Variants in KIF9 observed in about 807,000 individuals in gnomAD.
KIF9 encodes kinesin-like protein KIF9.
In KIF9, 68 loss-of-function variants were observed where a neutral mutation model predicts 94.8. The ratio of observed to expected loss-of-function variants is 0.72; its 90% CI spans 0.59 to 0.88. The LOEUF is 0.88. KIF9 is among the 40% of genes least tolerant of loss of function. The pLI is 0.00. For synonymous variants in KIF9, 343 were observed against 362.1 expected (o/e 0.95, Z 0.60); for missense variants, 882 against 982.5 (o/e 0.90, Z 1.37).
At chr3:47,235,429 A>T in intron 20 of KIF9, 84 bp downstream of exon 20, 1 of 945,610 alleles carries the variant, frequency 1.1e-6, no homozygotes, top group Non-Finnish European at 1.7e-6. Flanking sequence ...TTCCTCCCCT[A>T]CCTCTCTAAA....
chr3:47,230,899 A>G (rs959214791), intron 20 of KIF9, among the ~76,000 whole-genome samples: 1 of 147,816 alleles, frequency 6.8e-6, no homozygotes, highest in East Asian at 2.0e-4. Flanking sequence ...TTAGCCAGGC[A>G]TGGTGGCGCA....
At chr3:47,258,529 A>G (rs756712129) in intron 9 of KIF9, among the ~76,000 whole-genome samples, 8 of 152,196 alleles carry the variant, frequency 5.3e-5, no homozygotes, top group Non-Finnish European at 7.3e-5. Context: ...ATAATCCCCA[A>G]TGCTGGAGGT....
chr3:47,241,679 A>G (rs1338084340), intron 16 of KIF9, among the ~76,000 whole-genome samples: 2 of 150,106 alleles, frequency 1.3e-5, no homozygotes, highest in Non-Finnish European at 3.0e-5. Context: ...GTGTATATAC[A>G]TATATGCATA....
intron 10 of KIF9, among the ~76,000 whole-genome samples, chr3:47,255,884 C>T (rs1576012297): frequency 6.6e-6 from 1 of 152,186 alleles, no homozygotes; most frequent in South Asian, 2.1e-4. Context: ...CTCAGCCTGC[C>T]GAGTGCCTGT....
rs1043806796 is a variant in KIF9, at chr3:47,263,470, A to G, written c.981+816T>C. On this transcript the variant is annotated intron_variant, in intron 9 of 20. Coordinates refer to ENST00000684063, the MANE Select transcript of KIF9 (RefSeq NM_182902.4). ...CAGGAAAACAGCCAAGGCCTCAGCCAGGACACCAGAGCCGATTCAGCCCCT... is the reference window on the plus strand; with the variant it reads ...CAGGAAAACAGCCAAGGCCTCAGCCGGGACACCAGAGCCGATTCAGCCCCT... Among the ~76,000 whole-genome samples, 25 of 152,168 alleles carry G rather than the reference A, an allele frequency of 1.6e-4. 1 individual carries two copies. Among genetic ancestry groups the G allele is most frequent in the African/African-American group, 7.2e-5 (3 of 41,448 alleles).
Position 47,265,721 on chromosome 3 carries a change from C to T in KIF9, c.916+9G>A, listed in dbSNP as rs752054131. On this transcript the variant is annotated intron_variant, in intron 8 of 20. Coordinates refer to ENST00000684063, the MANE Select transcript of KIF9 (RefSeq NM_182902.4). ...CCCTCCTCCCTGGGCAGCAACTGTA[C>T]CCCCTCACCTAACGAGTCCTTCAGA... The T allele has an allele frequency of 1.9e-6, 3 of 1,613,636 alleles. No individual in the cohort carries two copies. The South Asian group carries it at 3.3e-5, about 18-fold the overall frequency.
chr3:47,249,027 T>G (rs1009023317), intron 10 of KIF9, among the ~76,000 whole-genome samples: 1 of 152,162 alleles, frequency 6.6e-6, no homozygotes, highest in Non-Finnish European at 1.5e-5. Flanking sequence ...TGAGCCACTG[T>G]GCCTGGCCTC....
intron 11 of KIF9, 23 bp from the exon 12 acceptor site, chr3:47,247,500 GTGGAT>G: frequency 6.4e-7 from 1 of 1,563,670 alleles, no homozygotes; most frequent in Non-Finnish European, 8.8e-7. Flanking sequence ...TGAAGAACAT[GTGGAT>G]AAGCAACAAG....
chr3:47,238,742 G>A (rs1035064167), intron 17 of KIF9, among the ~76,000 whole-genome samples: 1 of 151,964 alleles, frequency 6.6e-6, no homozygotes, highest in Admixed American at 6.6e-5. Flanking sequence ...CTCACTGCAA[G>A]CTCTGCCTCC....
At chr3:47,246,106 G>A in intron 13 of KIF9, 91 bp downstream of exon 13, 2 of 1,015,426 alleles carry the variant, frequency 2.0e-6, no homozygotes, top group Non-Finnish European at 2.8e-6. Context: ...CCACAAGCAA[G>A]AAGAGGAGCT....
chr3:47,237,961 C>A (rs1414525357), intron 17 of KIF9, among the ~76,000 whole-genome samples: 1 of 152,122 alleles, frequency 6.6e-6, no homozygotes, highest in African/African-American at 2.4e-5. Flanking sequence ...AGAGTAGAGG[C>A]TTTACAGTAC....
chr3:47,241,714 CAT>C (rs1226403667), intron 16 of KIF9, among the ~76,000 whole-genome samples: 20 of 147,436 alleles, frequency 1.4e-4, no homozygotes, highest in South Asian at 4.2e-4. Flanking sequence ...TACACACACA[CAT>C]ATAAAACATT....
chr3:47,234,265 A>T (rs1387704469), intron 20 of KIF9, among the ~76,000 whole-genome samples: 1 of 149,480 alleles, frequency 6.7e-6, no homozygotes, highest in Non-Finnish European at 1.5e-5. Context: ...GGAGTCTCTC[A>T]TTCTGTCGCC....
Position 47,233,547 on chromosome 3 carries a change from AT to A in KIF9, c.2322+1965del, listed in dbSNP as rs1698774607. Among the ~76,000 whole-genome samples the A allele has an allele frequency of 2.0e-5, 3 of 150,698 alleles. No individual in the cohort carries two copies. In the South Asian group the frequency reaches 6.3e-4, roughly 32 times the overall value. On this transcript the variant is annotated intron_variant, in intron 20 of 20. Coordinates refer to ENST00000684063, the MANE Select transcript of KIF9 (RefSeq NM_182902.4). ...CCCATCTCTACCAAAAAAAAAAAAAATTAGCTGGGCATGTGGTGTATGCCTA... is the reference window on the plus strand; with the variant it reads ...CCCATCTCTACCAAAAAAAAAAAAAATAGCTGGGCATGTGGTGTATGCCTA...
rs1215702552 is a variant in KIF9, at chr3:47,240,789, CA to C, written c.1924+11del. The C allele has an allele frequency of 1.2e-6, 2 of 1,610,758 alleles. No individual in the cohort carries two copies. The highest frequency in any genetic ancestry group is 1.7e-6 in the Non-Finnish European group (2 of 1,177,152). ...CCCCAAAGCTCCCTAGCCCTCTTTC[CA>C]ACACATTTACCTTGCTTCTCCCGTA... is the stretch of plus-strand genomic sequence containing the variant. On this transcript the variant is annotated intron_variant, in intron 17 of 20. Transcript: ENST00000684063.
chr3:47,265,988 C>T, intron 7 of KIF9, 111 bp from the exon 8 acceptor site: 1 of 1,151,920 alleles, frequency 8.7e-7, no homozygotes, highest in Non-Finnish European at 1.3e-6. Flanking sequence ...CAGGTCAGCG[C>T]CTCCTTCCCA....
chr3:47,239,670 C>T (rs1699320889), intron 17 of KIF9: 2 of 1,131,996 alleles, frequency 1.8e-6, no homozygotes, highest in Non-Finnish European at 2.3e-6. Flanking sequence ...TCACTACAAC[C>T]TCTGCCTCCT....
chr3:47,229,737 A>T (rs1034462409), intron 20 of KIF9, among the ~76,000 whole-genome samples: 25 of 145,752 alleles, frequency 1.7e-4, no homozygotes, highest in African/African-American at 6.3e-4. Flanking sequence ...ATGATTTAGA[A>T]TTTTTTTTTT....
At chr3:47,272,008 G>A (rs761712377) in intron 4 of KIF9, among the ~76,000 whole-genome samples, 2 of 151,970 alleles carry the variant, frequency 1.3e-5, no homozygotes, top group African/African-American at 2.4e-5. Context: ...TAGTCCCAGC[G>A]ACTCGGGAGG....
Sources: gnomAD v4.1 joint callset for allele counts (sites outside exome capture counted in the v4.1 genomes callset) on GRCh38, gnomAD v4.1.1 for gene constraint, MANE v1.5 for transcripts, NCBI Gene and HGNC (gene_info 2026-07-23, HGNC 2026-07-21) for gene names.